ADGRV1: variants seen among roughly 807,000 people sequenced by gnomAD.
ADGRV1 encodes adhesion G protein-coupled receptor V1.
In ADGRV1, 359 loss-of-function variants were observed where a neutral mutation model predicts 596.2. The ratio of observed to expected loss-of-function variants is 0.60; its 90% CI spans 0.55 to 0.66. The LOEUF is 0.66. Among genes scored for constraint, ADGRV1 ranks in the 30% least tolerant of loss-of-function variants. The probability of loss-of-function intolerance (pLI) is 0.00; values close to 1 mark genes in which losing one functional copy is unlikely to be tolerated. For missense variants in ADGRV1, 7,274 were observed against 7,575.6 expected (o/e 0.96, Z 1.48); for synonymous variants, 2,681 against 2,679.2 (o/e 1.00, Z -0.02).
intron 83 of ADGRV1, among the ~76,000 whole-genome samples, chr5:90,920,678 G>A (rs1436900825): frequency 6.6e-6 from 1 of 152,114 alleles, no homozygotes; most frequent in Non-Finnish European, 1.5e-5. Context: ...ACTACAGAAT[G>A]TAAAATTTAT....
intron 87 of ADGRV1, among the ~76,000 whole-genome samples, chr5:91,110,390 T>A (rs1182304065): frequency 6.6e-6 from 1 of 152,222 alleles, no homozygotes; most frequent in African/African-American, 2.4e-5. Context: ...CTAGGCTTCC[T>A]GACAGGGATC....
chr5:90,984,318 A>G (rs1780316883), intron 84 of ADGRV1, among the ~76,000 whole-genome samples: 1 of 152,216 alleles, frequency 6.6e-6, no homozygotes, highest in Non-Finnish European at 1.5e-5. Flanking sequence ...TGTTTGAAAT[A>G]TGTATGGCAT....
intron 21 of ADGRV1, among the ~76,000 whole-genome samples, chr5:90,665,277 G>A (rs1771129786): frequency 6.6e-6 from 1 of 152,030 alleles, no homozygotes; most frequent in Non-Finnish European, 1.5e-5. Context: ...ATTGATTATT[G>A]CCACAATTTC....
At chr5:90,845,569 G>A (rs1468645649) in intron 78 of ADGRV1, among the ~76,000 whole-genome samples, 1 of 150,526 alleles carries the variant, frequency 6.6e-6, no homozygotes, top group Non-Finnish European at 1.5e-5. Context: ...TTTTTCTGTT[G>A]GTAATTTTTT....
chr5:90,956,371 C>CA (rs939233608), intron 83 of ADGRV1, among the ~76,000 whole-genome samples: 8 of 152,092 alleles, frequency 5.3e-5, no homozygotes, highest in African/African-American at 1.9e-4. Context: ...ATGACAACAA[C>CA]AAAATTATCT....
intron 86 of ADGRV1, among the ~76,000 whole-genome samples, chr5:91,083,079 T>G (rs1789544459): frequency 6.6e-6 from 1 of 151,904 alleles, no homozygotes; most frequent in African/African-American, 2.4e-5. Flanking sequence ...AATTAGCAAT[T>G]GAATCATAAA....
chr5:90,809,407 CATAG>C (rs1469392071), intron 73 of ADGRV1, among the ~76,000 whole-genome samples: 2 of 151,518 alleles, frequency 1.3e-5, no homozygotes, highest in East Asian at 1.9e-4. Context: ...TGACGAAAGT[CATAG>C]ATAGATTATG....
chr5:90,948,318 T>C (rs1244070912), intron 83 of ADGRV1, among the ~76,000 whole-genome samples: 1 of 151,940 alleles, frequency 6.6e-6, no homozygotes, highest in Non-Finnish European at 1.5e-5. Flanking sequence ...TACCAAGCAG[T>C]GCGAGTAGGA....
At chr5:90,564,690 G>C (rs1287530907) in intron 1 of ADGRV1, among the ~76,000 whole-genome samples, 3 of 87,970 alleles carry the variant, frequency 3.4e-5, no homozygotes, top group Non-Finnish European at 6.7e-5. Flanking sequence ...GCAGTGGCGC[G>C]ATCTCGGCTC....
chr5:90,938,309 A>G (rs2150847466), intron 83 of ADGRV1, among the ~76,000 whole-genome samples: 1 of 152,332 alleles, frequency 6.6e-6, no homozygotes, highest in East Asian at 1.9e-4. Flanking sequence ...CATGGCTCTG[A>G]AAAGTTTACT....
In ADGRV1 at chr5:90,670,378, A is replaced by G. The variant is rs547754011; in HGVS notation, c.4753-2168A>G. 2.2e-4 allele frequency among the ~76,000 whole-genome samples: 33 copies of G among 152,320 alleles called. No homozygotes were observed. In the East Asian group the frequency reaches 3.9e-3, roughly 18 times the overall value. On this transcript the variant is annotated intron_variant, in intron 21 of 89. Transcript: ENST00000405460. ...CCATTTATCTTTTGTGGATGGAGAA[A>G]TGGCCTGAAGTATGAAGCTACTGCT...
chr5:91,115,090 A>G (rs1282717752), intron 87 of ADGRV1, among the ~76,000 whole-genome samples: 1 of 152,066 alleles, frequency 6.6e-6, no homozygotes, highest in Non-Finnish European at 1.5e-5. Flanking sequence ...CCCTTCAACT[A>G]CTGGCTGTTT....
At chr5:90,847,484 G>A (rs937452125) in intron 78 of ADGRV1, among the ~76,000 whole-genome samples, 1 of 152,252 alleles carries the variant, frequency 6.6e-6, no homozygotes, top group Non-Finnish European at 1.5e-5. Context: ...GGCTGCAGGT[G>A]GAGCTGCCTG....
At chr5:90,756,839 T>C in intron 56 of ADGRV1, 140 bp from the exon 57 acceptor site, 1 of 765,726 alleles carries the variant, frequency 1.3e-6, no homozygotes, top group Non-Finnish European at 2.1e-6. Flanking sequence ...GAAGACCTTT[T>C]ATGCATACTT....
chr5:90,961,932 G>A (rs1399500656), intron 83 of ADGRV1, among the ~76,000 whole-genome samples: 1 of 152,084 alleles, frequency 6.6e-6, no homozygotes, highest in Non-Finnish European at 1.5e-5. Flanking sequence ...TGAGCCTGTG[G>A]TGGGCCATGG....
chr5:91,138,458 A>G (rs141375151), intron 87 of ADGRV1, among the ~76,000 whole-genome samples: 2 of 152,256 alleles, frequency 1.3e-5, no homozygotes, highest in East Asian at 3.9e-4. Context: ...TGTTTTGCTA[A>G]TAAATCAATG....
At chr5:90,834,411 A>G (rs1314260896) in intron 77 of ADGRV1, among the ~76,000 whole-genome samples, 11 of 152,142 alleles carry the variant, frequency 7.2e-5, no homozygotes, top group Admixed American at 7.2e-4. Flanking sequence ...CGCTTGATAT[A>G]CTACTCTGGG....
In ADGRV1 at chr5:90,682,656, C is replaced by T. The variant is rs183445003; in HGVS notation, c.5665-930C>T. Among the ~76,000 whole-genome samples, 428 of 152,240 alleles carry T rather than the reference C, an allele frequency of 2.8e-3. 1 individual carries two copies. The highest frequency in any genetic ancestry group is 9.3e-3 in the African/African-American group (387 of 41,522). ...ATAAACTGTTGTGCGATAAATTCAACACCTTAGAAAGGATAACTAATGACT... is the reference window on the plus strand; with the variant it reads ...ATAAACTGTTGTGCGATAAATTCAATACCTTAGAAAGGATAACTAATGACT... On this transcript the variant is annotated intron_variant, in intron 27 of 89. Coordinates refer to ENST00000405460, the MANE Select transcript of ADGRV1 (RefSeq NM_032119.4).
At chr5:91,047,106 G>C (rs1360756731) in intron 85 of ADGRV1, among the ~76,000 whole-genome samples, 1 of 152,162 alleles carries the variant, frequency 6.6e-6, no homozygotes. Context: ...AAACAATGTG[G>C]TGACTATTGT....
Sources: allele counts gnomAD v4.1 joint callset (sites outside exome capture counted in the v4.1 genomes callset), GRCh38; gene constraint gnomAD v4.1.1; transcripts MANE v1.5; gene names NCBI Gene and HGNC (gene_info 2026-07-23, HGNC 2026-07-21).